Variants in ZNF37A observed in about 807,000 individuals in gnomAD.
The protein encoded by ZNF37A is zinc finger protein 37A, also known as zinc finger protein 37a (KOX 21).
A neutral mutation model predicts 12.3 loss-of-function variants in ZNF37A; 10 were observed. The ratio of observed to expected loss-of-function variants is 0.82; its 90% CI spans 0.50 to 1.38. The LOEUF is 1.38. Ranked by LOEUF, ZNF37A falls within the 40% of genes most tolerant of loss-of-function variation. The probability of loss-of-function intolerance (pLI) is 0.00; values close to 1 mark genes in which losing one functional copy is unlikely to be tolerated. For missense variants in ZNF37A, 580 were observed against 651.2 expected (o/e 0.89, Z 1.19); for synonymous variants, 207 against 223.0 (o/e 0.93, Z 0.64).
In ZNF37A at chr10:38,123,095, G is replaced by A. The variant is rs2069806497; in HGVS notation, c.*4258G>A. On this transcript the variant is annotated 3_prime_UTR_variant, in exon 8 of 8. Transcript: ENST00000685332. ...TTCCAACCATGGTGGAAGGCAAAAG[G>A]GGAATAAGTATCTCACATGGCAGGT... 6.6e-6 allele frequency: 1 copy of A among 152,078 alleles called. No individual in the cohort carries two copies. The highest frequency in any genetic ancestry group is 1.5e-5 in the Non-Finnish European group (1 of 68,050). 9.4% of individuals were successfully genotyped at this position (152,078 alleles called of 1,614,324 possible).
rs1177706446 is a variant in ZNF37A at position 38,123,186 on chromosome 10, T to C, written c.*4349T>C. On this transcript the variant is annotated 3_prime_UTR_variant, in exon 8 of 8. Coordinates refer to ENST00000685332, the MANE Select transcript of ZNF37A (RefSeq NM_001324250.3). Reference sequence around the variant, plus strand: ...AGATCTTGTGAGTACTCAGATTTTGTGAGGGGTGCTTGAGGTCATGGATAC... The same window carrying C: ...AGATCTTGTGAGTACTCAGATTTTGCGAGGGGTGCTTGAGGTCATGGATAC... 2.6e-5 allele frequency: 4 copies of C among 152,144 alleles called. No homozygotes were observed. The highest frequency in any genetic ancestry group is 9.7e-5 in the African/African-American group (4 of 41,440). 9.4% of individuals were successfully genotyped at this position (152,144 alleles called of 1,614,324 possible). A position where few individuals can be genotyped will look rare whatever the true frequency, so the allele number is the denominator to read the frequency against.
Position 38,122,468 on chromosome 10 carries a change from A to G in ZNF37A, c.*3631A>G, listed in dbSNP as rs572168279. On this transcript the variant is annotated 3_prime_UTR_variant, in exon 8 of 8. Coordinates refer to ENST00000685332, the MANE Select transcript of ZNF37A (RefSeq NM_001324250.3). ...ACAGAGCTACAGTAACCAAAACAGC[A>G]TGATACTGGCATAACAACAGACACA... 2.6e-5 allele frequency: 4 copies of G among 152,358 alleles called. No homozygotes were observed. The South Asian group carries it at 8.3e-4, about 32-fold the overall frequency. 9.4% of individuals were successfully genotyped at this position (152,358 alleles called of 1,614,324 possible).
chr10:38,112,064 T>A (rs962714202), intron 5 of ZNF37A, among the ~76,000 whole-genome samples: 4 of 151,336 alleles, frequency 2.6e-5, no homozygotes, highest in African/African-American at 9.7e-5. Context: ...TCTCTCTCTT[T>A]AGCTTGTGTT....
chr10:38,136,935 C>G (rs1285934041), intron 7 of ZNF37A, among the ~76,000 whole-genome samples: 2 of 152,066 alleles, frequency 1.3e-5, no homozygotes, highest in African/African-American at 4.8e-5. Context: ...TGCTCTTAAA[C>G]CCCTCTAGAG....
At chr10:38,128,857 G>A (rs184959988), downstream of ZNF37A, among the ~76,000 whole-genome samples, 26 of 152,242 alleles carry the variant, frequency 1.7e-4, 1 homozygote, top group East Asian at 4.7e-3. Context: ...GGGTTCAAGC[G>A]ATTCTCCTGC....
intron 7 of ZNF37A, chr10:38,141,827 G>C (rs36010363): frequency 6.6e-6 from 1 of 151,914 alleles, no homozygotes; most frequent in Non-Finnish European, 1.5e-5. Flanking sequence ...AGGCTAAAGC[G>C]GGCTGGGTGT....
exon 8 of ZNF37A, chr10:38,149,628 G>C (rs2070301789): frequency 7.0e-6 from 1 of 141,918 alleles, no homozygotes; most frequent in South Asian, 2.3e-4. Context: ...AGGCCAGAGA[G>C]CAGTGGCATG....
intron 7 of ZNF37A, chr10:38,137,605 C>G (rs1449813129): frequency 6.6e-6 from 1 of 152,204 alleles, no homozygotes; most frequent in South Asian, 2.1e-4. Flanking sequence ...TCTTTATTGT[C>G]TACCCTGGCT....
exon 8 of ZNF37A, chr10:38,148,427 A>G (rs2070281515): frequency 6.6e-6 from 1 of 152,238 alleles, no homozygotes; most frequent in African/African-American, 2.4e-5. Context: ...TTGGGTACAC[A>G]GACGAGGGCT....
At chr10:38,094,668 C>G (rs1384661026) in intron 1 of ZNF37A, among the ~76,000 whole-genome samples, 178 bp downstream of exon 1, 1 of 152,240 alleles carries the variant, frequency 6.6e-6, no homozygotes, top group African/African-American at 2.4e-5. Context: ...TTTCTCTTCC[C>G]TGAGGTGAAG....
chr10:38,113,732 G>T (rs1246542440), intron 5 of ZNF37A, among the ~76,000 whole-genome samples: 1 of 152,122 alleles, frequency 6.6e-6, no homozygotes, highest in African/African-American at 2.4e-5. Context: ...CTCTAATGCT[G>T]CTCTCCAGCA....
At position 38,101,260 on chromosome 10, in the gene ZNF37A, C is replaced by A. The variant is rs75057015; in HGVS notation, c.15+4628C>A. Among the ~76,000 whole-genome samples the A allele has an allele frequency of 3.6e-3, 544 of 152,104 alleles. 9 individuals are homozygous for A. The South Asian group carries it at 0.05, about 14-fold the overall frequency. On this transcript the variant is annotated intron_variant, in intron 5 of 7. Transcript: ENST00000685332. ...AAGAAAACATTGCCACATATAATGT[C>A]AAGAATCCATTCTCCAATGTGTTCT...
At chr10:38,104,357 C>CCA (rs1246791475) in intron 5 of ZNF37A, among the ~76,000 whole-genome samples, 2 of 152,148 alleles carry the variant, frequency 1.3e-5, no homozygotes, top group African/African-American at 4.8e-5. Flanking sequence ...TGCATACTGT[C>CCA]CACGTTGGCA....
At chr10:38,145,635 C>A (rs1185732854) in intron 7 of ZNF37A, among the ~76,000 whole-genome samples, 1 of 152,170 alleles carries the variant, frequency 6.6e-6, no homozygotes, top group African/African-American at 2.4e-5. Context: ...TGGGTCACTG[C>A]GCAGCGGAAA....
rs1229721262 is a variant in ZNF37A at position 38,119,542 on chromosome 10, G to C, written c.*705G>C. 5.8e-6 allele frequency: 2 copies of C among 347,508 alleles called. No individual in the cohort carries two copies. Among genetic ancestry groups the C allele is most frequent in the African/African-American group, 2.2e-5 (1 of 44,958 alleles). 21.5% of individuals were successfully genotyped at this position (347,508 alleles called of 1,614,324 possible). A position where few individuals can be genotyped will look rare whatever the true frequency, so the allele number is the denominator to read the frequency against. ...ATTTAATATAGAACAGAGGTGTTGAGTTGCAGGATATCTAGCAATTTAAGA... is the reference window on the plus strand; with the variant it reads ...ATTTAATATAGAACAGAGGTGTTGACTTGCAGGATATCTAGCAATTTAAGA... On this transcript the variant is annotated 3_prime_UTR_variant, in exon 8 of 8. Transcript: ENST00000685332.
chr10:38,119,184 TCACAGAATACCTGAGAAGA>T lies in ZNF37A; in HGVS notation c.*352_*370del, dbSNP rs1293191873. On this transcript the variant is annotated 3_prime_UTR_variant, in exon 8 of 8. Transcript: ENST00000685332. The stretch of plus-strand genomic sequence containing the variant: ...GCATTTTTCTGCTACTACTACAGTT[TCACAGAATACCTGAGAAGA>T]CACACTTGGAGAAACCTTTTGGGTG... 1 of 1,024,830 alleles carries T rather than the reference TCACAGAATACCTGAGAAGA, an allele frequency of 9.8e-7. No individual in the cohort carries two copies. Among genetic ancestry groups the T allele is most frequent in the East Asian group, 1.0e-4 (1 of 10,048 alleles). 63.5% of individuals were successfully genotyped at this position (1,024,830 alleles called of 1,614,324 possible).
rs767187232 is a variant in ZNF37A at position 38,118,845 on chromosome 10, A to G, written c.*8A>G. The G allele has an allele frequency of 5.2e-6, 8 of 1,551,634 alleles. No individual in the cohort carries two copies. In the East Asian group the frequency reaches 1.8e-4, roughly 35 times the overall value. ...GGAAATTACTCTGGGTGAAGTCAGA[A>G]CTTTGTAGAACACAGAACATAAAGG... is the stretch of plus-strand genomic sequence containing the variant. On this transcript the variant is annotated 3_prime_UTR_variant, in exon 8 of 8. Coordinates refer to ENST00000685332, the MANE Select transcript of ZNF37A (RefSeq NM_001324250.3).
chr10:38,120,642 T>G lies in ZNF37A; in HGVS notation c.*1805T>G, dbSNP rs1210175355. On this transcript the variant is annotated 3_prime_UTR_variant, in exon 8 of 8. Transcript: ENST00000685332. ...CAGCTCTGGGGGCCCTTTCCACTTC[T>G]GGCTATAGGGAAGAACCTGAATACT... 6.6e-6 allele frequency: 1 copy of G among 151,208 alleles called. No homozygotes were observed. The highest frequency in any genetic ancestry group is 1.5e-5 in the Non-Finnish European group (1 of 67,908). The allele number at this position is 151,208 out of a possible 1,614,324, so 9.4% of individuals were successfully genotyped here. A position where few individuals can be genotyped will look rare whatever the true frequency, so the allele number is the denominator to read the frequency against.
Position 38,112,752 on chromosome 10 carries a change from T to TAGAAA in ZNF37A, c.16-2003_16-2002insAGAAA, listed in dbSNP as rs1358141812. On this transcript the variant is annotated intron_variant, in intron 5 of 7. Transcript: ENST00000685332. Reference sequence around the variant, plus strand: ...TCCATTTTCTTTTCTTTTCTTTTCTTTTCTTTTCTTTTCTTTTCTTTTCTT... The same window carrying TAGAAA: ...TCCATTTTCTTTTCTTTTCTTTTCTTAGAAATTCTTTTCTTTTCTTTTCTTTTCTT... Among the ~76,000 whole-genome samples the TAGAAA allele has an allele frequency of 1.6e-5, 2 of 125,178 alleles. 1 individual carries two copies. The highest frequency in any genetic ancestry group is 4.3e-4 in the East Asian group (2 of 4,616). 82.1% of individuals were successfully genotyped at this position (125,178 alleles called of 152,430 possible).
Sources: allele counts gnomAD v4.1 joint callset (sites outside exome capture counted in the v4.1 genomes callset), GRCh38; gene constraint gnomAD v4.1.1; transcripts MANE v1.5; gene names NCBI Gene and HGNC (gene_info 2026-07-23, HGNC 2026-07-21).